CGREF1: variants seen among roughly 807,000 people sequenced by gnomAD.
CGREF1 encodes cell growth regulator with EF-hand domain 1.
Under a neutral mutation model 17.4 loss-of-function variants are expected in CGREF1, and 16 were observed. The ratio of observed to expected loss-of-function variants is 0.92; its 90% confidence interval spans 0.62 to 1.40. The LOEUF is 1.40. Ranked by LOEUF, CGREF1 falls within the 40% of genes most tolerant of loss-of-function variation. The pLI, the probability that CGREF1 is intolerant of heterozygous loss-of-function variation, is 0.00. For synonymous variants in CGREF1, 142 were observed against 154.6 expected (o/e 0.92, Z 0.61); for missense variants, 296 against 376.4 (o/e 0.79, Z 1.77).
chr2:27,104,222 C>T, intron 2 of CGREF1, 65 bp downstream of exon 2: 1 of 1,491,760 alleles, frequency 6.7e-7, no homozygotes, highest in South Asian at 1.4e-5. Context: ...GCCCACCACA[C>T]CCTTGGATTC....
chr2:27,111,456 T>C (rs1671379303), intron 1 of CGREF1, among the ~76,000 whole-genome samples: 1 of 152,248 alleles, frequency 6.6e-6, no homozygotes, highest in African/African-American at 2.4e-5. Flanking sequence ...CTTCACCCAG[T>C]GGATCCTGCA....
At chr2:27,112,933 G>T (rs1671444336) in intron 1 of CGREF1, among the ~76,000 whole-genome samples, 1 of 152,188 alleles carries the variant, frequency 6.6e-6, no homozygotes, top group Non-Finnish European at 1.5e-5. Context: ...CACCACCTGG[G>T]CCTCAGCAGG....
chr2:27,112,688 C>T (rs1572903013), intron 1 of CGREF1, among the ~76,000 whole-genome samples: 2 of 152,168 alleles, frequency 1.3e-5, no homozygotes, highest in Non-Finnish European at 2.9e-5. Flanking sequence ...ACCTGAATGT[C>T]TAACATTTAG....
chr2:27,107,793 G>A (rs1671186485), intron 1 of CGREF1, among the ~76,000 whole-genome samples: 1 of 149,236 alleles, frequency 6.7e-6, no homozygotes, highest in Non-Finnish European at 1.5e-5. Context: ...AATTAGCCAG[G>A]CGTGGTGGTG....
At chr2:27,114,505 A>C (rs1671505223) in intron 1 of CGREF1, among the ~76,000 whole-genome samples, 1 of 152,136 alleles carries the variant, frequency 6.6e-6, no homozygotes, top group African/African-American at 2.4e-5. Context: ...TATGATCTGG[A>C]CTTAGTGACT....
rs752420893 is a variant in CGREF1 at position 27,102,524 on chromosome 2, A to AC, written c.146+1dup. ...AAAGCACCCCCGGCCCACCCTACTC[A>AC]CCCGAGCTGCTCCTGGCCTGGCTGG... On this transcript the variant is annotated splice_donor_variant, in intron 3 of 5. Transcript: ENST00000402394. LOFTEE classifies it high-confidence loss of function. 1 of 1,613,710 alleles carries AC rather than the reference A, an allele frequency of 6.2e-7. No individual in the cohort carries two copies. The highest frequency in any genetic ancestry group is 8.5e-7 in the Non-Finnish European group (1 of 1,179,820).
At position 27,102,565 on chromosome 2, in the gene CGREF1, A is replaced by G; in HGVS notation, c.107T>C (p.Leu36Pro). 1 of 1,613,528 alleles carries G rather than the reference A, an allele frequency of 6.2e-7. No homozygotes were observed. Among genetic ancestry groups the G allele is most frequent in the Non-Finnish European group, 8.5e-7 (1 of 1,179,900 alleles). Residue 36 changes from leucine to proline, a missense_variant, in exon 3 of 6, where the codon CTC (leucine) becomes CCC (proline). Physicochemically the swap from Leu to Pro is moderately conservative, Grantham distance 98. Transcript: ENST00000402394. ...GCCTGGCTGGAAGGGGTTGGGCAGGAGCTGATGCTGCACTTCAGAGTCTGG... is the reference window on the plus strand; with the variant it reads ...GCCTGGCTGGAAGGGGTTGGGCAGGGGCTGATGCTGCACTTCAGAGTCTGG... ...TRPDSEVQHQ[L>P]LPNPFQPGQE...
chr2:27,100,108 C>T (rs561500248), downstream of CGREF1: 55 of 568,192 alleles, frequency 9.7e-5, no homozygotes, highest in African/African-American at 6.6e-4. Context: ...GCTAGAGCAG[C>T]GAGAAGTGCC....
chr2:27,114,904 T>G (rs6737100), intron 1 of CGREF1, among the ~76,000 whole-genome samples: 15,541 of 151,244 alleles, frequency 0.1, 1,113 homozygotes, highest in African/African-American at 0.2. Context: ...CGTTATCTTT[T>G]TGTGTGTGTG....
In CGREF1 at chr2:27,104,176, G is replaced by A. The variant is rs553507397; in HGVS notation, c.80+111C>T. On this transcript the variant is annotated intron_variant, in intron 2 of 5. Coordinates refer to ENST00000402394, the MANE Select transcript of CGREF1 (RefSeq NM_006569.6). ...CTGATGGCAGGGAGATACAGAGATC[G>A]GGGAACCTACACCCCAGTCTCCTGC... The A allele has an allele frequency of 1.5e-4, 161 of 1,089,628 alleles. 1 individual carries two copies. The South Asian group carries it at 2.0e-3, about 14-fold the overall frequency. The allele number at this position is 1,089,628 out of a possible 1,614,324, so 67.5% of individuals were successfully genotyped here.
chr2:27,118,349 C>T (rs1337274945), intron 1 of CGREF1, among the ~76,000 whole-genome samples: 1 of 152,160 alleles, frequency 6.6e-6, no homozygotes, highest in African/African-American at 2.4e-5. Context: ...TCCCTTAATT[C>T]TTAATTTATC....
downstream of CGREF1, chr2:27,099,925 T>A: frequency 1.4e-6 from 2 of 1,419,626 alleles, no homozygotes; most frequent in Non-Finnish European, 1.9e-6. Flanking sequence ...GGGGGATGGC[T>A]GGGGGATGCA....
intron 1 of CGREF1, among the ~76,000 whole-genome samples, chr2:27,117,136 C>T (rs1433393080): frequency 1.3e-5 from 2 of 151,842 alleles, no homozygotes; most frequent in Non-Finnish European, 2.9e-5. Flanking sequence ...TGTTCTCGAA[C>T]CCCTGATCAA....
At chr2:27,114,673 C>T (rs552961159) in intron 1 of CGREF1, among the ~76,000 whole-genome samples, 9 of 152,250 alleles carry the variant, frequency 5.9e-5, no homozygotes, top group East Asian at 3.9e-4. Context: ...CTGGTCTCCC[C>T]GAAACCACCC....
chr2:27,117,531 T>C (rs938118337), intron 1 of CGREF1, among the ~76,000 whole-genome samples: 1 of 152,200 alleles, frequency 6.6e-6, no homozygotes, highest in Non-Finnish European at 1.5e-5. Flanking sequence ...GTCACACACG[T>C]GCACTCACAC....
Position 27,100,967 on chromosome 2 carries a change from C to T in CGREF1, c.*307G>A, listed in dbSNP as rs1447343954. ...ACCATGCGCTCTGCTGCCGGAGCAC[C>T]GTGAGGCCCAGAAACACTGGGCAGG... On this transcript the variant is annotated 3_prime_UTR_variant, in exon 6 of 6. Transcript: ENST00000402394. 79 of 1,171,722 alleles carry T rather than the reference C, an allele frequency of 6.7e-5. No individual in the cohort carries two copies. The East Asian group carries it at 3.4e-3, about 51-fold the overall frequency. The allele number at this position is 1,171,722 out of a possible 1,614,324, so 72.6% of individuals were successfully genotyped here.
intron 1 of CGREF1, among the ~76,000 whole-genome samples, chr2:27,114,965 G>C (rs1402675583): frequency 6.6e-6 from 1 of 152,092 alleles, no homozygotes; most frequent in Non-Finnish European, 1.5e-5. Context: ...AAACCCCCAG[G>C]CTCAAGCAAT....
chr2:27,104,567 C>T, intron 1 of CGREF1, 190 bp from the exon 2 acceptor site: 1 of 1,550,624 alleles, frequency 6.4e-7, no homozygotes, highest in Non-Finnish European at 8.7e-7. Context: ...AAATAAATGT[C>T]ACTCCAGCTC....
At chr2:27,103,380 C>CTTTTTTTTTTTTTTTTTT (rs3072688) in intron 2 of CGREF1, among the ~76,000 whole-genome samples, 1 of 150,874 alleles carries the variant, frequency 6.6e-6, no homozygotes, top group Non-Finnish European at 1.5e-5. Context: ...ACCATAAGGT[C>CTTTTTTTTTTTTTTTTTT]TTTTTTTTTC....
Sources: allele counts gnomAD v4.1 joint callset (sites outside exome capture counted in the v4.1 genomes callset), GRCh38; gene constraint gnomAD v4.1.1; transcripts MANE v1.5; gene names NCBI Gene and HGNC (gene_info 2026-07-23, HGNC 2026-07-21).